The following TBC1D19 variants were observed in gnomAD, a reference collection of about 807,000 sequenced individuals.
TBC1D19 encodes the protein TBC1 domain family, member 19.
Under a neutral mutation model 89.0 loss-of-function variants are expected in TBC1D19, and 60 were observed. That is an observed-to-expected ratio of 0.67 (90% confidence interval 0.55 to 0.84). The LOEUF (loss-of-function observed/expected upper bound fraction) is 0.84, where lower values mean the gene tolerates loss of function less well. Among genes scored for constraint, TBC1D19 ranks in the 40% least tolerant of loss-of-function variants. TBC1D19 has a pLI of 0.00. For missense variants in TBC1D19, 500 were observed against 610.8 expected (o/e 0.82, Z 1.91); for synonymous variants, 189 against 199.7 (o/e 0.95, Z 0.45).
At chr4:26,614,238 A>G (rs1014280102) in intron 2 of TBC1D19, among the ~76,000 whole-genome samples, 170 bp from the exon 3 acceptor site, 3 of 152,216 alleles carry the variant, frequency 2.0e-5, no homozygotes, top group Non-Finnish European at 4.4e-5. Context: ...GGATATGGTA[A>G]GTGTATAGGA....
chr4:26,777,907 G>A, the TBC1D19 span, among the ~76,000 whole-genome samples: 100 of 152,034 alleles, frequency 6.6e-4, no homozygotes, highest in African/African-American at 2.2e-3. Context: ...ATAATAAGAC[G>A]CTGTCTCTAT....
At chr4:26,646,692 G>A (rs969833013) in intron 7 of TBC1D19, among the ~76,000 whole-genome samples, 2 of 152,098 alleles carry the variant, frequency 1.3e-5, no homozygotes, top group Non-Finnish European at 2.9e-5. Flanking sequence ...GCAAACTATC[G>A]CAAGAACAGA....
At chr4:26,778,447 G>A in the TBC1D19 span, among the ~76,000 whole-genome samples, 5 of 138,920 alleles carry the variant, frequency 3.6e-5, no homozygotes, top group Admixed American at 1.5e-4. Context: ...GAGAAGGGGA[G>A]GGAAGGGGGA....
chr4:26,635,825 G>A (rs1743085747), intron 4 of TBC1D19, among the ~76,000 whole-genome samples: 1 of 152,034 alleles, frequency 6.6e-6, no homozygotes, highest in African/African-American at 2.4e-5. Context: ...TGGAGGAAGG[G>A]ATATTTAAGC....
intron 13 of TBC1D19, among the ~76,000 whole-genome samples, chr4:26,699,321 C>T (rs1015814803): frequency 8.3e-4 from 127 of 152,168 alleles, no homozygotes; most frequent in African/African-American, 3.0e-3. Context: ...AGATACCATC[C>T]CACACCAGTT....
chr4:26,846,996 G>C, the TBC1D19 span, among the ~76,000 whole-genome samples: 4 of 152,032 alleles, frequency 2.6e-5, no homozygotes, highest in African/African-American at 9.7e-5. Context: ...TCTCTACTCA[G>C]TAACCTGCCA....
At chr4:26,584,705 G>A (rs1739312995) in intron 1 of TBC1D19, among the ~76,000 whole-genome samples, 1 of 152,120 alleles carries the variant, frequency 6.6e-6, no homozygotes, top group South Asian at 2.1e-4. Flanking sequence ...GTGGACTTGG[G>A]CCCCCAAGTA....
chr4:26,842,648 T>TTTC, the TBC1D19 span, among the ~76,000 whole-genome samples: 629 of 132,164 alleles, frequency 4.8e-3, 8 homozygotes, highest in African/African-American at 0.018. Context: ...TTCTTTCTTT[T>TTTC]TCTTTCTTCT....
At position 26,620,388 on chromosome 4, in the gene TBC1D19, C is replaced by T. The variant is rs576438045; in HGVS notation, c.219-225C>T. 2.9e-4 allele frequency among the ~76,000 whole-genome samples: 44 copies of T among 152,300 alleles called. No individual in the cohort carries two copies. In the South Asian group the frequency reaches 8.7e-3, roughly 30 times the overall value. On this transcript the variant is annotated intron_variant, in intron 3 of 20. Transcript: ENST00000264866. The stretch of plus-strand genomic sequence containing the variant: ...GCTTTCTTCACGAGAATGTTACGTC[C>T]ATGAGAACAGAGAATGTTATCTCAA...
At chr4:26,694,194 C>T in intron 13 of TBC1D19, among the ~76,000 whole-genome samples, 1 of 152,146 alleles carries the variant, frequency 6.6e-6, no homozygotes, top group East Asian at 1.9e-4. Context: ...GGGTCACTCC[C>T]ACCCTAATAC....
intron 17 of TBC1D19, among the ~76,000 whole-genome samples, chr4:26,742,100 G>A (rs1718406120): frequency 6.6e-6 from 1 of 152,120 alleles, no homozygotes; most frequent in South Asian, 2.1e-4. Flanking sequence ...AGTGAAGGTG[G>A]CTATATAGCA....
intron 18 of TBC1D19, among the ~76,000 whole-genome samples, chr4:26,747,995 T>C (rs913136368): frequency 2.0e-5 from 3 of 152,234 alleles, no homozygotes; most frequent in African/African-American, 7.2e-5. Context: ...AAATAATTTA[T>C]TAAATTGAGA....
intron 1 of TBC1D19, among the ~76,000 whole-genome samples, chr4:26,599,249 T>C (rs1277617441): frequency 6.6e-6 from 1 of 152,234 alleles, no homozygotes; most frequent in Non-Finnish European, 1.5e-5. Context: ...AATAACTCTT[T>C]AAAGGCAACT....
chr4:26,774,723 C>T, the TBC1D19 span, among the ~76,000 whole-genome samples: 2 of 152,162 alleles, frequency 1.3e-5, no homozygotes, highest in African/African-American at 2.4e-5. Flanking sequence ...TCTACATAAA[C>T]GATAATATTG....
At chr4:26,731,388 CTG>C (rs915433660) in intron 15 of TBC1D19, among the ~76,000 whole-genome samples, 17 of 152,082 alleles carry the variant, frequency 1.1e-4, no homozygotes, top group African/African-American at 3.9e-4. Flanking sequence ...GGAATGAAGA[CTG>C]AAGAGTTAAG....
At chr4:26,622,084 G>A (rs1742087138) in intron 4 of TBC1D19, among the ~76,000 whole-genome samples, 1 of 152,014 alleles carries the variant, frequency 6.6e-6, no homozygotes, top group Non-Finnish European at 1.5e-5. Flanking sequence ...TCACACACCA[G>A]GGACTGTTGT....
At chr4:26,594,592 A>C (rs931494192) in intron 1 of TBC1D19, among the ~76,000 whole-genome samples, 1 of 152,156 alleles carries the variant, frequency 6.6e-6, no homozygotes, top group African/African-American at 2.4e-5. Context: ...TTTCCTTGAA[A>C]AGTAAGAAAT....
chr4:26,816,578 C>T, the TBC1D19 span, among the ~76,000 whole-genome samples: 5 of 152,180 alleles, frequency 3.3e-5, no homozygotes, highest in Middle Eastern at 6.8e-3. Flanking sequence ...GTTAATATAC[C>T]TGATAATGTG....
chr4:26,626,516 T>C lies in TBC1D19; in HGVS notation c.294+5828T>C, dbSNP rs1360299534. Among the ~76,000 whole-genome samples the C allele has an allele frequency of 2.0e-5, 3 of 152,282 alleles. No homozygotes were observed. In the East Asian group the frequency reaches 5.8e-4, roughly 29 times the overall value. The stretch of plus-strand genomic sequence containing the variant: ...TGGGTTACTAATGTGGTCTTAGTTC[T>C]CACTTTACAAAATGAGAAAGTGGTA... On this transcript the variant is annotated intron_variant, in intron 4 of 20. Transcript: ENST00000264866.
Sources: allele counts gnomAD v4.1 joint callset (sites outside exome capture counted in the v4.1 genomes callset), GRCh38; gene constraint gnomAD v4.1.1; transcripts MANE v1.5; gene names NCBI Gene and HGNC (gene_info 2026-07-23, HGNC 2026-07-21).